NCOA2: variants seen among roughly 807,000 people sequenced by gnomAD.
The protein encoded by NCOA2 is nuclear receptor coactivator 2.
Under a neutral mutation model 145.1 loss-of-function variants are expected in NCOA2, and 21 were observed. The ratio of observed to expected loss-of-function variants is 0.14; its 90% CI spans 0.10 to 0.21. The LOEUF (loss-of-function observed/expected upper bound fraction) is 0.21, where lower values mean the gene tolerates loss of function less well. NCOA2 is among the 10% of genes least tolerant of loss of function. NCOA2 has a pLI of 1.00. For missense variants in NCOA2, 1,472 were observed against 1,837.6 expected, an observed-to-expected ratio of 0.80 and a Z score of 3.64; for synonymous variants, 619 against 637.5, an observed-to-expected ratio of 0.97 and a Z score of 0.44.
chr8:70,263,255 G>C (rs537830993), intron 2 of NCOA2, among the ~76,000 whole-genome samples: 1 of 149,008 alleles, frequency 6.7e-6, no homozygotes, highest in African/African-American at 2.5e-5. Flanking sequence ...GGGACAAAGG[G>C]AGGATTCCCC....
the NCOA2 span, among the ~76,000 whole-genome samples, chr8:70,455,030 C>T: frequency 6.6e-6 from 1 of 152,148 alleles, no homozygotes; most frequent in South Asian, 2.1e-4. Context: ...AACTTTGTGG[C>T]TCCAAGCCCA....
At chr8:70,162,073 C>G (rs1813086051) in intron 9 of NCOA2, among the ~76,000 whole-genome samples, 1 of 152,124 alleles carries the variant, frequency 6.6e-6, no homozygotes, top group South Asian at 2.1e-4. Flanking sequence ...GTCCCCTTGT[C>G]CAGAGTGAGA....
chr8:70,224,838 C>G (rs944172023), intron 2 of NCOA2, among the ~76,000 whole-genome samples: 1 of 151,786 alleles, frequency 6.6e-6, no homozygotes, highest in Non-Finnish European at 1.5e-5. Flanking sequence ...CTGGCAAAAA[C>G]TGTCCAGGAA....
rs915673117 is a variant in NCOA2 at position 70,147,219 on chromosome 8, G to A, written c.2605+1054C>T. ...GCAATCTCGGACCACTGCAACCTCC[G>A]CCTCCCGGGTTCAACCAATTCTCCT... On this transcript the variant is annotated intron_variant, in intron 12 of 22. Transcript: ENST00000452400. 4.1e-5 allele frequency among the ~76,000 whole-genome samples: 6 copies of A among 147,974 alleles called. No homozygotes were observed. The South Asian group carries it at 6.6e-4, about 16-fold the overall frequency.
At chr8:70,136,096 G>A (rs1809696385) in intron 15 of NCOA2, among the ~76,000 whole-genome samples, 1 of 152,168 alleles carries the variant, frequency 6.6e-6, no homozygotes, top group African/African-American at 2.4e-5. Flanking sequence ...AACTTAGGCT[G>A]GGCGCGGTGG....
chr8:70,358,405 T>A (rs1194219299), intron 1 of NCOA2, among the ~76,000 whole-genome samples: 1 of 152,176 alleles, frequency 6.6e-6, no homozygotes, highest in African/African-American at 2.4e-5. Context: ...GGTACCAGCA[T>A]AAAGACCCAT....
chr8:70,291,706 T>C (rs892728760), intron 2 of NCOA2, among the ~76,000 whole-genome samples: 1 of 152,220 alleles, frequency 6.6e-6, no homozygotes, highest in African/African-American at 2.4e-5. Context: ...CTGAGAGCTC[T>C]GTTAACACTA....
intron 2 of NCOA2, among the ~76,000 whole-genome samples, chr8:70,268,905 A>C (rs1222420418): frequency 1.3e-5 from 2 of 152,212 alleles, no homozygotes; most frequent in Non-Finnish European, 2.9e-5. Flanking sequence ...GAAAAATTAT[A>C]AACACAACTT....
intron 6 of NCOA2, 147 bp downstream of exon 6, chr8:70,170,055 G>A: frequency 1.4e-6 from 1 of 706,918 alleles, no homozygotes; most frequent in Non-Finnish European, 2.3e-6. Flanking sequence ...AAACACACAA[G>A]CATCTGTAAA....
rs75675808 is a variant in NCOA2 at position 70,246,358 on chromosome 8, G to A, written c.-19-29594C>T. Among the ~76,000 whole-genome samples the A allele has an allele frequency of 5.9e-3, 897 of 152,196 alleles. 5 individuals carry two copies. The highest frequency in any genetic ancestry group is 0.02 in the African/African-American group (835 of 41,558). ...AGAGTGCTGGGTAGTTGAAAGTGGGGAAAAAGATGGTGTAAGGAACTACGC... is the reference window on the plus strand; with the variant it reads ...AGAGTGCTGGGTAGTTGAAAGTGGGAAAAAAGATGGTGTAAGGAACTACGC... On this transcript the variant is annotated intron_variant, in intron 2 of 22. Transcript: ENST00000452400.
At chr8:70,132,189 A>G (rs1384996597) in intron 15 of NCOA2, among the ~76,000 whole-genome samples, 187 bp from the exon 16 acceptor site, 2 of 152,372 alleles carry the variant, frequency 1.3e-5, no homozygotes, top group South Asian at 2.1e-4. Context: ...TGCCCAATAC[A>G]GGCCAGGCAC....
chr8:70,254,682 C>A (rs1823488203), intron 2 of NCOA2, among the ~76,000 whole-genome samples: 1 of 121,316 alleles, frequency 8.2e-6, no homozygotes, highest in African/African-American at 3.2e-5. Flanking sequence ...ATGGTGGTTA[C>A]CAGGGGCGGG....
chr8:70,174,633 A>G, intron 5 of NCOA2, 123 bp downstream of exon 5: 2 of 864,170 alleles, frequency 2.3e-6, no homozygotes, highest in Non-Finnish European at 3.7e-6. Flanking sequence ...CAGCAAGCTC[A>G]AGAGGTCCAT....
intron 2 of NCOA2, among the ~76,000 whole-genome samples, chr8:70,288,596 A>G (rs1386859322): frequency 2.0e-5 from 3 of 152,164 alleles, no homozygotes. Context: ...AAAAACAAAA[A>G]AAAAAAAGGA....
At chr8:70,168,481 G>C (rs1813878099) in intron 6 of NCOA2, among the ~76,000 whole-genome samples, 3 of 152,112 alleles carry the variant, frequency 2.0e-5, no homozygotes, top group Admixed American at 2.0e-4. Flanking sequence ...ACCATGCCTG[G>C]CTAATGTTTT....
chr8:70,147,112 G>A (rs1033160533), intron 12 of NCOA2, among the ~76,000 whole-genome samples: 10 of 96,368 alleles, frequency 1.0e-4, no homozygotes, highest in Non-Finnish European at 1.8e-4. Flanking sequence ...CAAATCTTTC[G>A]CGCGCGCGCG....
At chr8:70,315,634 G>C (rs1490838814) in intron 1 of NCOA2, among the ~76,000 whole-genome samples, 1 of 151,954 alleles carries the variant, frequency 6.6e-6, no homozygotes, top group Non-Finnish European at 1.5e-5. Context: ...GTTAACAAAG[G>C]GAAAAGGAAT....
At chr8:70,151,589 A>T (rs945607690) in intron 11 of NCOA2, among the ~76,000 whole-genome samples, 4 of 152,156 alleles carry the variant, frequency 2.6e-5, no homozygotes, top group Non-Finnish European at 5.9e-5. Context: ...CGCCCGGCCT[A>T]AATACATTTT....
At chr8:70,153,344 A>T (rs1447621389) in intron 11 of NCOA2, among the ~76,000 whole-genome samples, 2 of 152,344 alleles carry the variant, frequency 1.3e-5, no homozygotes, top group East Asian at 3.9e-4. Context: ...TAGGTGAGAC[A>T]ATTTTTATCA....
Sources: allele counts gnomAD v4.1 joint callset (sites outside exome capture counted in the v4.1 genomes callset), GRCh38; gene constraint gnomAD v4.1.1; transcripts MANE v1.5; gene names NCBI Gene and HGNC (gene_info 2026-07-23, HGNC 2026-07-21).